Variants in SLC5A12 observed in about 807,000 individuals in gnomAD.
SLC5A12 encodes the protein solute carrier family 5 member 12, also known as sodium-coupled monocarboxylate transporter 2.
Under a neutral mutation model 72.7 loss-of-function variants are expected in SLC5A12, and 46 were observed. The observed-to-expected ratio is 0.63, with a 90% CI of 0.50 to 0.81. The LOEUF is 0.81. Ranked by LOEUF, SLC5A12 falls within the 30% of genes least tolerant of loss-of-function variation. The probability of loss-of-function intolerance (pLI) is 0.00; values close to 1 mark genes in which losing one functional copy is unlikely to be tolerated. For missense variants in SLC5A12, 683 were observed against 740.7 expected, an observed-to-expected ratio of 0.92 and a Z score of 0.90; for synonymous variants, 275 against 264.4, an observed-to-expected ratio of 1.04 and a Z score of -0.39.
At chr11:26,715,852 G>T (rs1855338490) in intron 1 of SLC5A12, among the ~76,000 whole-genome samples, 4 of 152,144 alleles carry the variant, frequency 2.6e-5, no homozygotes, top group Admixed American at 2.6e-4. Flanking sequence ...TAGCCAACTA[G>T]CTACCTTATG....
intron 1 of SLC5A12, among the ~76,000 whole-genome samples, chr11:26,720,013 G>C (rs1855441543): frequency 6.6e-6 from 1 of 152,064 alleles, no homozygotes. Flanking sequence ...ATTGTTTTAA[G>C]GCCAAAAGAC....
chr11:26,717,301 C>T (rs1855372735), intron 1 of SLC5A12, among the ~76,000 whole-genome samples: 1 of 151,700 alleles, frequency 6.6e-6, no homozygotes, highest in African/African-American at 2.4e-5. Context: ...GTTCAGAAGC[C>T]AAGAAGTCCA....
chr11:26,673,547 A>C lies in SLC5A12; in HGVS notation c.1580-18T>G. On this transcript the variant is annotated intron_variant, in intron 13 of 14. Coordinates refer to ENST00000396005, the MANE Select transcript of SLC5A12 (RefSeq NM_178498.4). ...TTGGCGACCTATTAACAAAAGAACAAATAGATTAGATGGTTGCAGGCCTCC... is the reference window on the plus strand; with the variant it reads ...TTGGCGACCTATTAACAAAAGAACACATAGATTAGATGGTTGCAGGCCTCC... The C allele has an allele frequency of 6.3e-7, 1 of 1,591,500 alleles. No individual in the cohort carries two copies. Among genetic ancestry groups the C allele is most frequent in the Non-Finnish European group, 8.5e-7 (1 of 1,170,174 alleles).
rs115583242 is a variant in SLC5A12, at chr11:26,694,437, A to G, written c.1041-1836T>C. Among the ~76,000 whole-genome samples, 1,070 of 152,242 alleles carry G rather than the reference A, an allele frequency of 7.0e-3. 11 individuals carry two copies. Among genetic ancestry groups the G allele is most frequent in the African/African-American group, 0.025 (1,019 of 41,542 alleles). ...GCCTCAGAGTAAGAGGGCAAAAAAT[A>G]AAGCATGTAGAGAGGGACGAAAGAA... On this transcript the variant is annotated intron_variant, in intron 8 of 14. Coordinates refer to ENST00000396005, the MANE Select transcript of SLC5A12 (RefSeq NM_178498.4).
intron 12 of SLC5A12, among the ~76,000 whole-genome samples, chr11:26,680,418 T>TATATATATGTATA (rs1854384166): frequency 2.5e-5 from 3 of 119,134 alleles, no homozygotes; most frequent in Non-Finnish European, 3.6e-5. Flanking sequence ...TATTTCCTCA[T>TATATATATGTATA]TTTTCCATCA....
intron 3 of SLC5A12, among the ~76,000 whole-genome samples, chr11:26,710,550 G>A (rs1257482778): frequency 6.6e-6 from 1 of 152,066 alleles, no homozygotes; most frequent in Non-Finnish European, 1.5e-5. Flanking sequence ...TAATTGGCAT[G>A]AGATGGTATC....
At chr11:26,700,861 G>T (rs1167217121) in intron 6 of SLC5A12, among the ~76,000 whole-genome samples, 3 of 152,188 alleles carry the variant, frequency 2.0e-5, no homozygotes, top group Non-Finnish European at 4.4e-5. Context: ...GCATGTATAT[G>T]AGCCACTCCT....
rs1554988602 is a variant in SLC5A12, at chr11:26,669,187, T to TTTTCTTTTCTTTCTTTCTTTCTTTC, written c.*1914_*1915insGAAAGAAAGAAAGAAAGAAAAGAAA. ...TGTCTTTTTCTTTCTTTCTTTCTTC[T>TTTTCTTTTCTTTCTTTCTTTCTTTC]TTTCTTTCTTTCTTTCTTTCTTTCT... On this transcript the variant is annotated 3_prime_UTR_variant, in exon 15 of 15. Coordinates refer to ENST00000396005, the MANE Select transcript of SLC5A12 (RefSeq NM_178498.4). 4.5e-5 allele frequency: 5 copies of TTTTCTTTTCTTTCTTTCTTTCTTTC among 110,942 alleles called. No homozygotes were observed. Among genetic ancestry groups the TTTTCTTTTCTTTCTTTCTTTCTTTC allele is most frequent in the African/African-American group, 1.6e-4 (5 of 31,104 alleles). 6.9% of individuals were successfully genotyped at this position (110,942 alleles called of 1,614,324 possible).
At chr11:26,678,381 G>T (rs12277323) in intron 13 of SLC5A12, among the ~76,000 whole-genome samples, 14,066 of 151,450 alleles carry the variant, frequency 0.093, 1,011 homozygotes, top group African/African-American at 0.2. Flanking sequence ...TTTGGTTGGG[G>T]TTTTTTTTGG....
At chr11:26,718,546 A>G (rs1175782228) in intron 1 of SLC5A12, among the ~76,000 whole-genome samples, 1 of 152,032 alleles carries the variant, frequency 6.6e-6, no homozygotes, top group African/African-American at 2.4e-5. Context: ...GCAACCTCCC[A>G]GGTTCAAGTG....
At chr11:26,688,376 G>T (rs1315545032) in intron 9 of SLC5A12, among the ~76,000 whole-genome samples, 2 of 152,130 alleles carry the variant, frequency 1.3e-5, no homozygotes, top group Non-Finnish European at 2.9e-5. Flanking sequence ...CAGAAATCGG[G>T]AATTATACTG....
In SLC5A12 at chr11:26,721,262, C is replaced by T. The variant is rs918543156; in HGVS notation, c.339+114G>A. On this transcript the variant is annotated intron_variant, in intron 1 of 14. Coordinates refer to ENST00000396005, the MANE Select transcript of SLC5A12 (RefSeq NM_178498.4). ...GCTTTTTACAAAAACATTTTAATGT[C>T]TTTCTCATAATGTGTAATTATCCTG... 18 of 803,960 alleles carry T rather than the reference C, an allele frequency of 2.2e-5. No homozygotes were observed. In the African/African-American group the frequency reaches 3.0e-4, roughly 13 times the overall value. The allele number at this position is 803,960 out of a possible 1,614,324, so 49.8% of individuals were successfully genotyped here. A position where few individuals can be genotyped will look rare whatever the true frequency, so the allele number is the denominator to read the frequency against.
Position 26,673,440 on chromosome 11 carries a change from A to G in SLC5A12, c.1669T>C (p.Cys557Arg). 6.2e-7 allele frequency: 1 copy of G among 1,611,034 alleles called. No individual in the cohort carries two copies. The highest frequency in any genetic ancestry group is 8.5e-7 in the Non-Finnish European group (1 of 1,178,578). The change falls in exon 14 of 15, where the codon TGC becomes CGC. Residue 557 changes from cysteine to arginine, a missense_variant. Coordinates refer to ENST00000396005, the MANE Select transcript of SLC5A12 (RefSeq NM_178498.4). The stretch of plus-strand genomic sequence containing the variant: ...CTGTCATGCTGAACTCCACACCAGC[A>G]TAGTGTTTTGTACTTCTTAGACCAA... ...CFWSKKYKTL[C>R]WCGVQHDSGT...
chr11:26,719,665 A>G (rs1855432728), intron 1 of SLC5A12, among the ~76,000 whole-genome samples: 1 of 152,084 alleles, frequency 6.6e-6, no homozygotes, highest in African/African-American at 2.4e-5. Flanking sequence ...CCTGAGATGC[A>G]CTTCCCTTGT....
At chr11:26,672,401 A>T (rs1854164097) in intron 14 of SLC5A12, among the ~76,000 whole-genome samples, 1 of 152,112 alleles carries the variant, frequency 6.6e-6, no homozygotes, top group South Asian at 2.1e-4. Flanking sequence ...ACAACAAAAA[A>T]TACTCCTGCC....
intron 1 of SLC5A12, among the ~76,000 whole-genome samples, 164 bp from the exon 2 acceptor site, chr11:26,712,870 A>C (rs1855264839): frequency 6.6e-6 from 1 of 152,110 alleles, no homozygotes; most frequent in South Asian, 2.1e-4. Flanking sequence ...TGGATTGTTA[A>C]AAGTCAAAGA....
chr11:26,680,156 G>A (rs1854359045), intron 12 of SLC5A12, among the ~76,000 whole-genome samples: 1 of 151,100 alleles, frequency 6.6e-6, no homozygotes, highest in Admixed American at 6.7e-5. Context: ...AATCAGAAAA[G>A]GGCTACTAAA....
chr11:26,693,126 T>C (rs1484963149), intron 8 of SLC5A12, among the ~76,000 whole-genome samples: 1 of 152,218 alleles, frequency 6.6e-6, no homozygotes, highest in Non-Finnish European at 1.5e-5. Flanking sequence ...ACCAATTATT[T>C]ACCTGCTTAT....
chr11:26,695,711 C>T (rs1854793744), intron 8 of SLC5A12, among the ~76,000 whole-genome samples: 1 of 152,160 alleles, frequency 6.6e-6, no homozygotes, highest in Admixed American at 6.5e-5. Context: ...AAGACCAAGT[C>T]TTCAATTTGT....
Sources: gnomAD v4.1 joint callset for allele counts (sites outside exome capture counted in the v4.1 genomes callset) on GRCh38, gnomAD v4.1.1 for gene constraint, MANE v1.5 for transcripts, NCBI Gene and HGNC (gene_info 2026-07-23, HGNC 2026-07-21) for gene names.